The following FNDC3B variants were observed in gnomAD, a reference collection of about 807,000 sequenced individuals.
FNDC3B encodes the protein fibronectin type III domain containing 3B.
In FNDC3B, 12 loss-of-function variants were observed where a neutral mutation model predicts 151.5. The ratio of observed to expected loss-of-function variants is 0.08; its 90% CI spans 0.05 to 0.13. FNDC3B has a LOEUF of 0.13. Ranked by LOEUF, FNDC3B falls within the 10% of genes least tolerant of loss-of-function variation. The pLI, the probability that FNDC3B is intolerant of heterozygous loss-of-function variation, is 1.00. For missense variants in FNDC3B, 1,214 were observed against 1,505.3 expected (o/e 0.81, Z 3.20); for synonymous variants, 528 against 549.0 (o/e 0.96, Z 0.54).
intron 11 of FNDC3B, among the ~76,000 whole-genome samples, chr3:172,322,700 A>G (rs1732148903): frequency 6.6e-6 from 1 of 152,116 alleles, no homozygotes; most frequent in Admixed American, 6.5e-5. Context: ...TCTTTTTCCC[A>G]TCCCTGATTC....
intron 1 of FNDC3B, among the ~76,000 whole-genome samples, chr3:172,059,417 T>G (rs1028220369): frequency 2.0e-5 from 3 of 152,178 alleles, no homozygotes; most frequent in African/African-American, 7.2e-5. Context: ...ATGGGGGAAT[T>G]TGAAGCTTAT....
chr3:172,356,743 C>T (rs942116910), intron 22 of FNDC3B, among the ~76,000 whole-genome samples: 4 of 152,180 alleles, frequency 2.6e-5, no homozygotes, highest in African/African-American at 7.2e-5. Flanking sequence ...TTATTTCGTA[C>T]TTAAGACATT....
chr3:172,168,079 T>C (rs1227997217), intron 3 of FNDC3B, among the ~76,000 whole-genome samples: 1 of 152,274 alleles, frequency 6.6e-6, no homozygotes, highest in Non-Finnish European at 1.5e-5. Context: ...AACATGCTGA[T>C]GCTGATGACT....
chr3:172,051,439 G>A (rs1716650162), intron 1 of FNDC3B, among the ~76,000 whole-genome samples: 1 of 152,044 alleles, frequency 6.6e-6, no homozygotes. Flanking sequence ...TTAATCGTGG[G>A]TACACAGTAA....
At chr3:172,144,135 C>T (rs1721783485) in intron 3 of FNDC3B, among the ~76,000 whole-genome samples, 2 of 151,932 alleles carry the variant, frequency 1.3e-5, no homozygotes, top group Non-Finnish European at 2.9e-5. Context: ...TGACAGAAGA[C>T]GAAGGGGAGC....
chr3:172,375,673 T>G (rs116698531), intron 23 of FNDC3B, among the ~76,000 whole-genome samples: 1 of 152,196 alleles, frequency 6.6e-6, no homozygotes, highest in Admixed American at 6.5e-5. Flanking sequence ...ATGGCTTTGA[T>G]CAGAGCAACG....
chr3:172,197,808 C>T (rs559587263), intron 3 of FNDC3B, among the ~76,000 whole-genome samples: 1 of 152,322 alleles, frequency 6.6e-6, no homozygotes, highest in Non-Finnish European at 1.5e-5. Flanking sequence ...TGCATTCTTT[C>T]AGGTGGTCAT....
intron 1 of FNDC3B, among the ~76,000 whole-genome samples, chr3:172,057,755 GT>G (rs1235199688): frequency 1.3e-5 from 2 of 148,612 alleles, no homozygotes; most frequent in Non-Finnish European, 3.0e-5. Context: ...AGTTTCTTCA[GT>G]GCCCCACCTC....
chr3:172,350,701 A>C (rs33999501), intron 21 of FNDC3B, among the ~76,000 whole-genome samples: 1 of 152,144 alleles, frequency 6.6e-6, no homozygotes, highest in African/African-American at 2.4e-5. Flanking sequence ...TAAGAGCTCA[A>C]ACTTAGCTGG....
At chr3:172,379,130 G>A (rs1449937948) in intron 24 of FNDC3B, among the ~76,000 whole-genome samples, 1 of 152,170 alleles carries the variant, frequency 6.6e-6, no homozygotes, top group East Asian at 1.9e-4. Flanking sequence ...GACTGCGGCT[G>A]ACTTGCAAGG....
At chr3:172,233,143 G>A (rs4280664) in intron 4 of FNDC3B, among the ~76,000 whole-genome samples, 38,947 of 151,888 alleles carry the variant, frequency 0.26, 5,147 homozygotes, top group East Asian at 0.44. Context: ...CCATGCTTCC[G>A]TAGTAATTTA....
chr3:172,195,181 T>C (rs1245655667), intron 3 of FNDC3B, among the ~76,000 whole-genome samples: 1 of 152,202 alleles, frequency 6.6e-6, no homozygotes, highest in Admixed American at 6.5e-5. Flanking sequence ...ATGTCTTGAA[T>C]GGTGGCACCC....
At chr3:172,204,877 A>T (rs1015929674) in intron 3 of FNDC3B, among the ~76,000 whole-genome samples, 2 of 152,194 alleles carry the variant, frequency 1.3e-5, no homozygotes, top group Non-Finnish European at 2.9e-5. Flanking sequence ...CATTGCTGAT[A>T]ATGAAACTCA....
intron 3 of FNDC3B, among the ~76,000 whole-genome samples, chr3:172,222,692 C>T (rs144800848): frequency 6.1e-4 from 93 of 152,262 alleles, no homozygotes; most frequent in Middle Eastern, 3.4e-3. Flanking sequence ...AATGCCGCTG[C>T]CGATCTGACA....
intron 3 of FNDC3B, among the ~76,000 whole-genome samples, chr3:172,139,629 G>T (rs1340658760): frequency 1.3e-5 from 2 of 152,110 alleles, no homozygotes; most frequent in Non-Finnish European, 2.9e-5. Flanking sequence ...TATTATATTG[G>T]ATGAATTGTT....
At chr3:172,165,700 CCCA>C (rs1183714390) in intron 3 of FNDC3B, among the ~76,000 whole-genome samples, 4 of 152,046 alleles carry the variant, frequency 2.6e-5, no homozygotes, top group Non-Finnish European at 4.4e-5. Context: ...TCTTCTGTTT[CCCA>C]CAAGTAAGAT....
At chr3:172,263,586 G>GTTTTTTTTTTTTTTT (rs35762662) in intron 6 of FNDC3B, among the ~76,000 whole-genome samples, 1 of 102,210 alleles carries the variant, frequency 9.8e-6, no homozygotes. Flanking sequence ...GCTATCAAGT[G>GTTTTTTTTTTTTTTT]TTTTTTTTTT....
intron 3 of FNDC3B, among the ~76,000 whole-genome samples, chr3:172,208,264 C>G (rs1725532675): frequency 6.6e-6 from 1 of 152,138 alleles, no homozygotes; most frequent in Non-Finnish European, 1.5e-5. Flanking sequence ...TCCTGGGGAA[C>G]AATAGTAGTT....
At position 172,317,631 on chromosome 3, in the gene FNDC3B, C is replaced by T. The variant is rs60027719; in HGVS notation, c.1254+6750C>T. On this transcript the variant is annotated intron_variant, in intron 11 of 25. Coordinates refer to ENST00000415807, the MANE Select transcript of FNDC3B (RefSeq NM_022763.4). ...AACAGTGTCAGTTATCTCACGGGTA[C>T]GTAAGACTGAATGAGATAAGTTGGA... Among the ~76,000 whole-genome samples, 1,122 of 152,258 alleles carry T rather than the reference C, an allele frequency of 7.4e-3. 13 individuals are homozygous for T. The highest frequency in any genetic ancestry group is 0.025 in the African/African-American group (1,058 of 41,540).
Sources: allele counts gnomAD v4.1 joint callset (sites outside exome capture counted in the v4.1 genomes callset), GRCh38; gene constraint gnomAD v4.1.1; transcripts MANE v1.5; gene names NCBI Gene and HGNC (gene_info 2026-07-23, HGNC 2026-07-21).